BCAS4: variants seen among roughly 807,000 people sequenced by gnomAD.
The protein encoded by BCAS4 is breast carcinoma amplified sequence 4.
A neutral mutation model predicts 15.7 loss-of-function variants in BCAS4; 9 were observed. That is an observed-to-expected ratio of 0.57 (90% confidence interval 0.34 to 1.00). The LOEUF (loss-of-function observed/expected upper bound fraction) is 1.00. Ranked by LOEUF, BCAS4 falls within the 50% of genes least tolerant of loss-of-function variation. BCAS4 has a pLI of 0.02. For missense variants in BCAS4, 225 were observed against 239.1 expected, an observed-to-expected ratio of 0.94 and a Z score of 0.39; for synonymous variants, 101 against 99.5, an observed-to-expected ratio of 1.02 and a Z score of -0.09.
At chr20:50,796,986 A>G (rs1248293002) in intron 1 of BCAS4, among the ~76,000 whole-genome samples, 1 of 151,980 alleles carries the variant, frequency 6.6e-6, no homozygotes, top group East Asian at 1.9e-4. Context: ...GCGCACCACC[A>G]TGTCAGGTTA....
intron 4 of BCAS4, among the ~76,000 whole-genome samples, chr20:50,847,637 A>G (rs1018352506): frequency 5.9e-5 from 9 of 152,208 alleles, no homozygotes; most frequent in African/African-American, 2.2e-4. Context: ...GGACATGAGG[A>G]TATGAATCCA....
At position 50,824,240 on chromosome 20, in the gene BCAS4, G is replaced by C. The variant is rs140910036; in HGVS notation, c.162+5958G>C. 5.3e-4 allele frequency among the ~76,000 whole-genome samples: 80 copies of C among 152,354 alleles called. No individual in the cohort carries two copies. The East Asian group carries it at 0.013, about 25-fold the overall frequency. ...CTGCCAAGGAGCAGAGTCTTACTTCGCTCACATAAATGGAGAACATTTCCT... is the reference window on the plus strand; with the variant it reads ...CTGCCAAGGAGCAGAGTCTTACTTCCCTCACATAAATGGAGAACATTTCCT... On this transcript the variant is annotated intron_variant, in intron 2 of 4. Coordinates refer to ENST00000371608, the MANE Select transcript of BCAS4 (RefSeq NM_198799.4).
intron 2 of BCAS4, among the ~76,000 whole-genome samples, chr20:50,823,709 A>G (rs925818559): frequency 2.0e-5 from 3 of 152,172 alleles, no homozygotes; most frequent in African/African-American, 7.2e-5. Flanking sequence ...ACAAGAATAC[A>G]TTCTGTGCGA....
intron 4 of BCAS4, among the ~76,000 whole-genome samples, chr20:50,871,730 G>T (rs191010903): frequency 1.3e-5 from 2 of 152,342 alleles, no homozygotes; most frequent in Non-Finnish European, 2.9e-5. Flanking sequence ...CGGGCCCCTG[G>T]TGGGGTGGCA....
chr20:50,811,891 G>A (rs771666343), intron 1 of BCAS4, among the ~76,000 whole-genome samples: 12 of 152,166 alleles, frequency 7.9e-5, no homozygotes, highest in Non-Finnish European at 1.8e-4. Context: ...CTAAAATGTT[G>A]GGATTACAGG....
chr20:50,865,129 T>G (rs1170175482), intron 4 of BCAS4, among the ~76,000 whole-genome samples: 2 of 152,176 alleles, frequency 1.3e-5, no homozygotes, highest in Non-Finnish European at 2.9e-5. Flanking sequence ...GATATACTTG[T>G]GTGTCTATGG....
intron 4 of BCAS4, among the ~76,000 whole-genome samples, chr20:50,856,804 G>A (rs768505985): frequency 6.6e-6 from 1 of 152,122 alleles, no homozygotes; most frequent in Admixed American, 6.5e-5. Flanking sequence ...CTGGCCAGCA[G>A]TCATTTATTG....
intron 4 of BCAS4, among the ~76,000 whole-genome samples, chr20:50,843,492 T>C (rs931730401): frequency 6.6e-6 from 1 of 152,238 alleles, no homozygotes; most frequent in Non-Finnish European, 1.5e-5. Context: ...AAATGCCTGA[T>C]AGGGCATGTG....
intron 2 of BCAS4, among the ~76,000 whole-genome samples, chr20:50,822,661 A>G (rs995935196): frequency 8.0e-5 from 12 of 149,700 alleles, no homozygotes; most frequent in African/African-American, 2.7e-4. Context: ...TTGGAGACAC[A>G]GTCTCACTCT....
At chr20:50,869,867 G>T (rs1979546700) in intron 4 of BCAS4, among the ~76,000 whole-genome samples, 1 of 149,210 alleles carries the variant, frequency 6.7e-6, no homozygotes, top group South Asian at 2.1e-4. Flanking sequence ...TCCTGCCTCA[G>T]CCTCCCAAGT....
At chr20:50,841,951 C>T (rs369028398) in intron 4 of BCAS4, 51 bp downstream of exon 4, 123 of 1,510,552 alleles carry the variant, frequency 8.1e-5, no homozygotes, top group East Asian at 3.8e-4. Flanking sequence ...CCCTTCGCTC[C>T]GCAGACCCCA....
intron 2 of BCAS4, among the ~76,000 whole-genome samples, chr20:50,826,722 A>T (rs531141442): frequency 8.5e-5 from 13 of 152,182 alleles, no homozygotes; most frequent in Non-Finnish European, 1.8e-4. Flanking sequence ...CTGTAAACCC[A>T]GCACTTTGGA....
chr20:50,811,157 G>C (rs1262317511), intron 1 of BCAS4, among the ~76,000 whole-genome samples: 1 of 152,098 alleles, frequency 6.6e-6, no homozygotes, highest in Non-Finnish European at 1.5e-5. Flanking sequence ...GTAGGGCTGG[G>C]GAGGCCCCCA....
At chr20:50,816,106 A>G (rs1278651072) in intron 1 of BCAS4, among the ~76,000 whole-genome samples, 1 of 137,730 alleles carries the variant, frequency 7.3e-6, no homozygotes, top group African/African-American at 2.7e-5. Context: ...GCTCACCGCA[A>G]CCTCCTCCTT....
At chr20:50,807,499 G>A (rs1465806033) in intron 1 of BCAS4, among the ~76,000 whole-genome samples, 2 of 152,144 alleles carry the variant, frequency 1.3e-5, no homozygotes, top group African/African-American at 2.4e-5. Context: ...TGGACTTTAC[G>A]TTATTTTATT....
intron 1 of BCAS4, among the ~76,000 whole-genome samples, chr20:50,812,601 A>C (rs1049565852): frequency 1.3e-5 from 2 of 151,330 alleles, no homozygotes. Context: ...CACTACGTCC[A>C]GCTCATTTTT....
At chr20:50,800,708 T>C (rs2087917252) in intron 1 of BCAS4, among the ~76,000 whole-genome samples, 1 of 151,828 alleles carries the variant, frequency 6.6e-6, no homozygotes, top group Admixed American at 6.6e-5. Flanking sequence ...ATTACAGGTA[T>C]GCACTACCAC....
chr20:50,833,715 C>T (rs770608898), intron 3 of BCAS4, among the ~76,000 whole-genome samples: 2 of 152,172 alleles, frequency 1.3e-5, no homozygotes, highest in Admixed American at 6.5e-5. Context: ...GGTTCTTACA[C>T]CCAAATCCTT....
intron 1 of BCAS4, among the ~76,000 whole-genome samples, chr20:50,801,990 G>C (rs150111534): frequency 2.3e-4 from 35 of 152,066 alleles, no homozygotes; most frequent in East Asian, 5.8e-4. Context: ...GGGTCCCCAG[G>C]GGGGGAGTCT....
Sources: allele counts gnomAD v4.1 joint callset (sites outside exome capture counted in the v4.1 genomes callset), GRCh38; gene constraint gnomAD v4.1.1; transcripts MANE v1.5; gene names NCBI Gene and HGNC (gene_info 2026-07-23, HGNC 2026-07-21).